Variants in ATP13A4 observed in about 807,000 individuals in gnomAD.
The protein encoded by ATP13A4 is ATPase 13A4.
A neutral mutation model predicts 142.5 loss-of-function variants in ATP13A4; 114 were observed. That is an observed-to-expected ratio of 0.80 (90% CI 0.69 to 0.93). The LOEUF (loss-of-function observed/expected upper bound fraction) is 0.93. ATP13A4 is among the 40% of genes least tolerant of loss of function. The pLI is 0.00. For missense variants in ATP13A4, 1,392 were observed against 1,454.0 expected (o/e 0.96, Z 0.69); for synonymous variants, 488 against 514.8 (o/e 0.95, Z 0.70).
intron 28 of ATP13A4, among the ~76,000 whole-genome samples, chr3:193,407,743 T>C (rs917012808): frequency 6.6e-6 from 1 of 152,228 alleles, no homozygotes; most frequent in African/African-American, 2.4e-5. Flanking sequence ...AATCACTCTT[T>C]GTTTGCTTGC....
chr3:193,559,203 AG>A (rs1320243086), upstream of ATP13A4, among the ~76,000 whole-genome samples: 1 of 152,208 alleles, frequency 6.6e-6, no homozygotes, highest in Non-Finnish European at 1.5e-5. Context: ...TCTGTGAAGT[AG>A]GGAGGTGAGT....
rs749238638 is a variant in ATP13A4 at position 193,440,629 on chromosome 3, G to T, written c.2448C>A (p.Ile816=). 9 of 1,613,880 alleles carry T rather than the reference G, an allele frequency of 5.6e-6. No homozygotes were observed. Among genetic ancestry groups the T allele is most frequent in the Non-Finnish European group, 7.6e-6 (9 of 1,179,860 alleles). ...HFSSLLPKIL[I]NGTIFARMSP... The stretch of plus-strand genomic sequence containing the variant: ...ACATTCTTGCAAAGATGGTCCCATT[G>T]ATCAATATCTGTAAGGAACCCAAAA... Residue 816 remains isoleucine, a synonymous_variant, in exon 21 of 30, where the codon ATC becomes ATA. Coordinates refer to ENST00000342695, the MANE Select transcript of ATP13A4 (RefSeq NM_032279.4).
Position 193,411,058 on chromosome 3 carries a change from A to G in ATP13A4, c.3221T>C (p.Leu1074Pro). Reference protein sequence around the residue: ...QPTYTNYIFVLVLIIQLGVCL... With the variant: ...QPTYTNYIFVPVLIIQLGVCL... The stretch of plus-strand genomic sequence containing the variant: ...TACACCAAGCTGTATTATCAGCACA[A>G]GGACAAATATATCTGAGGAAATAAG... Residue 1074 changes from leucine (L) to proline (P), a missense_variant, in exon 28 of 30, where the codon CTT becomes CCT. Coordinates refer to ENST00000342695, the MANE Select transcript of ATP13A4 (RefSeq NM_032279.4). The G allele has an allele frequency of 6.2e-7, 1 of 1,607,774 alleles. No individual in the cohort carries two copies. The highest frequency in any genetic ancestry group is 8.5e-7 in the Non-Finnish European group (1 of 1,174,442).
chr3:193,415,193 T>C (rs867166583), intron 25 of ATP13A4, among the ~76,000 whole-genome samples: 2 of 152,232 alleles, frequency 1.3e-5, no homozygotes, highest in Admixed American at 6.5e-5. Flanking sequence ...ATATTCATTA[T>C]GGCATCATTT....
chr3:193,404,081 CTT>C, intron 29 of ATP13A4: 3 of 985,428 alleles, frequency 3.0e-6, no homozygotes, highest in Non-Finnish European at 3.6e-6. Context: ...CTCTTGGAAA[CTT>C]AGCCAGATGA....
intron 2 of ATP13A4, chr3:193,579,438 T>C: frequency 1.1e-5 from 2 of 183,592 alleles, no homozygotes; most frequent in Non-Finnish European, 2.3e-5. Flanking sequence ...GTGGTTTTCA[T>C]GACACCTGTG....
At chr3:193,578,498 A>T (rs1272626681) in intron 2 of ATP13A4, among the ~76,000 whole-genome samples, 2 of 152,106 alleles carry the variant, frequency 1.3e-5, no homozygotes, top group African/African-American at 4.8e-5. Context: ...GAGTGTGGTG[A>T]TTCATTTTGT....
At chr3:193,558,187 T>G (rs1050615177), upstream of ATP13A4, among the ~76,000 whole-genome samples, 1 of 152,228 alleles carries the variant, frequency 6.6e-6, no homozygotes, top group Non-Finnish European at 1.5e-5. Flanking sequence ...CAATACTGTA[T>G]TTATGTAGAC....
upstream of ATP13A4, among the ~76,000 whole-genome samples, chr3:193,559,549 G>C (rs1723970816): frequency 6.6e-6 from 1 of 152,152 alleles, no homozygotes; most frequent in South Asian, 2.1e-4. Context: ...GCCTCAAGGT[G>C]GTGGTGCAAA....
intron 22 of ATP13A4, 121 bp downstream of exon 22, chr3:193,438,902 C>A: frequency 9.1e-7 from 1 of 1,098,780 alleles, no homozygotes; most frequent in South Asian, 1.2e-5. Context: ...AGGAGTATAC[C>A]TCTAAAGGGC....
chr3:193,484,256 G>A (rs770399220), intron 7 of ATP13A4, among the ~76,000 whole-genome samples: 17 of 151,814 alleles, frequency 1.1e-4, no homozygotes, highest in East Asian at 1.9e-4. Flanking sequence ...TTTCCACTCA[G>A]AAGAGTTTTT....
Position 193,490,956 on chromosome 3 carries a change from C to A in ATP13A4, c.603+373G>T, listed in dbSNP as rs184822693. On this transcript the variant is annotated intron_variant, in intron 6 of 29. Coordinates refer to ENST00000342695, the MANE Select transcript of ATP13A4 (RefSeq NM_032279.4). ...TGAATAAATGGTTTTTTTCTTCCTA[C>A]AATTTTAGGCACCAAGGAAATTGTA... 2.6e-5 allele frequency among the ~76,000 whole-genome samples: 4 copies of A among 152,088 alleles called. No individual in the cohort carries two copies. In the East Asian group the frequency reaches 7.7e-4, roughly 29 times the overall value.
At chr3:193,586,088 CAT>C (rs1007539421) in intron 1 of ATP13A4, among the ~76,000 whole-genome samples, 3 of 22,600 alleles carry the variant, frequency 1.3e-4, no homozygotes, top group Non-Finnish European at 2.1e-4. Context: ...TGTATACACA[CAT>C]ACACACACAC....
At position 193,441,523 on chromosome 3, in the gene ATP13A4, G is replaced by A; in HGVS notation, c.2382C>T (p.Ala794=). The change falls in exon 20 of 30, where the codon GCC becomes GCT. Residue 794 remains alanine (A), a synonymous_variant. Transcript: ENST00000342695. ...DKGREGSYHF[A]LTGKSFHVIS... Reference sequence around the variant, plus strand: ...TAACATGAAAGGATTTTCCAGTTAGGGCAAAATGGTAACTTCCTTCTCTGC... The same window carrying A: ...TAACATGAAAGGATTTTCCAGTTAGAGCAAAATGGTAACTTCCTTCTCTGC... 1.2e-6 allele frequency: 2 copies of A among 1,613,508 alleles called. No individual in the cohort carries two copies. The highest frequency in any genetic ancestry group is 8.5e-7 in the Non-Finnish European group (1 of 1,179,560).
At chr3:193,474,446 G>A (rs757136617) in intron 8 of ATP13A4, among the ~76,000 whole-genome samples, 2 of 151,364 alleles carry the variant, frequency 1.3e-5, no homozygotes, top group African/African-American at 4.9e-5. Context: ...TGAGGTAGGA[G>A]GATTACTTGG....
intron 14 of ATP13A4, 166 bp downstream of exon 14, chr3:193,458,915 C>T: frequency 2.3e-6 from 2 of 856,670 alleles, no homozygotes; most frequent in Non-Finnish European, 4.0e-6. Flanking sequence ...TTATTAGCTT[C>T]ATTGCACAGA....
At chr3:193,536,291 T>C (rs1019132188) in intron 1 of ATP13A4, among the ~76,000 whole-genome samples, 2 of 152,018 alleles carry the variant, frequency 1.3e-5, no homozygotes, top group Non-Finnish European at 2.9e-5. Flanking sequence ...TATAAGCCAT[T>C]ATTAAGTAGG....
chr3:193,443,867 T>C (rs1004391019), intron 18 of ATP13A4, among the ~76,000 whole-genome samples: 12 of 152,106 alleles, frequency 7.9e-5, no homozygotes, highest in African/African-American at 2.9e-4. Flanking sequence ...CTGAATGTAC[T>C]CAATAGCAGA....
intron 1 of ATP13A4, among the ~76,000 whole-genome samples, chr3:193,516,568 C>G (rs917513426): frequency 6.6e-5 from 10 of 152,226 alleles, no homozygotes; most frequent in African/African-American, 2.4e-4. Flanking sequence ...AATTTCCTTA[C>G]TTGTCCTGAG....
Sources: allele counts gnomAD v4.1 joint callset (sites outside exome capture counted in the v4.1 genomes callset), GRCh38; gene constraint gnomAD v4.1.1; transcripts MANE v1.5; gene names NCBI Gene and HGNC (gene_info 2026-07-23, HGNC 2026-07-21).